The following URI1 variants were observed in gnomAD, a reference collection of about 807,000 sequenced individuals.
URI1 encodes unconventional prefoldin RPB5 interactor 1.
A neutral mutation model predicts 60.2 loss-of-function variants in URI1; 39 were observed. The observed-to-expected ratio is 0.65, with a 90% CI of 0.50 to 0.85. The LOEUF (loss-of-function observed/expected upper bound fraction) is 0.85, where lower values mean the gene tolerates loss of function less well. URI1 is among the 40% of genes least tolerant of loss of function. URI1 has a pLI of 0.00. For synonymous variants in URI1, 251 were observed against 236.8 expected, an observed-to-expected ratio of 1.06 and a Z score of -0.55; for missense variants, 691 against 665.9, an observed-to-expected ratio of 1.04 and a Z score of -0.42.
rs1404072448 is a variant in URI1 at position 30,014,893 on chromosome 19, TC to T, written c.1433del (p.Ser478LeufsTer5). 5 of 1,610,580 alleles carry T rather than the reference TC, an allele frequency of 3.1e-6. No homozygotes were observed. The highest frequency in any genetic ancestry group is 4.2e-6 in the Non-Finnish European group (5 of 1,178,352). Reference protein sequence around the residue: ...LPLSVTPEAFSGTVIEKEFVS... With the variant: ...LPLSVTPEAFXGTVIEKEFVS... ...CCTGACTTTTGTTTTCTAGGCTTTT[TC>T]TGGAACTGTTATAGAAAAAGAATTT... is the stretch of plus-strand genomic sequence containing the variant. On this transcript the variant is annotated frameshift_variant, in exon 11 of 11. Transcript: ENST00000392271. LOFTEE classifies it high-confidence loss of function.
Position 29,977,847 on chromosome 19 carries a change from T to A in URI1, c.152+6620T>A, listed in dbSNP as rs374271649. On this transcript the variant is annotated intron_variant, in intron 2 of 10. Transcript: ENST00000392271. ...ATTCAAGTTGAATGTTTAAAGAATT[T>A]TTTTTAAATCTGAGTTAGGTTTTTA... is the stretch of plus-strand genomic sequence containing the variant. Among the ~76,000 whole-genome samples the A allele has an allele frequency of 2.6e-5, 4 of 152,290 alleles. No homozygotes were observed. The South Asian group carries it at 6.2e-4, about 24-fold the overall frequency.
chr19:30,004,717 A>G (rs1203616675), intron 4 of URI1, among the ~76,000 whole-genome samples: 4 of 152,090 alleles, frequency 2.6e-5, no homozygotes, highest in Admixed American at 6.6e-5. Flanking sequence ...TACTCTGATT[A>G]CAGAAACATG....
At chr19:29,959,220 G>C (rs2055290447) in intron 1 of URI1, among the ~76,000 whole-genome samples, 1 of 152,120 alleles carries the variant, frequency 6.6e-6, no homozygotes, top group African/African-American at 2.4e-5. Flanking sequence ...GAACTCCCAG[G>C]CTCAGGTGAT....
chr19:29,973,868 AT>A (rs1482657013), intron 2 of URI1, among the ~76,000 whole-genome samples: 1 of 152,180 alleles, frequency 6.6e-6, no homozygotes, highest in African/African-American at 2.4e-5. Context: ...TTTAGTGAGG[AT>A]TTAAAAAATG....
chr19:29,989,145 C>T (rs1289317802), intron 4 of URI1, among the ~76,000 whole-genome samples: 1 of 151,720 alleles, frequency 6.6e-6, no homozygotes, highest in Non-Finnish European at 1.5e-5. Flanking sequence ...GAGTCTCACT[C>T]TGTCGCCTAG....
At chr19:29,943,868 T>C (rs2055063721) in intron 1 of URI1, among the ~76,000 whole-genome samples, 1 of 151,906 alleles carries the variant, frequency 6.6e-6, no homozygotes, top group Non-Finnish European at 1.5e-5. Context: ...GGGTGGTGAC[T>C]CAAACCTGTA....
chr19:29,946,070 C>A (rs1396857238), intron 1 of URI1, among the ~76,000 whole-genome samples: 1 of 151,894 alleles, frequency 6.6e-6, no homozygotes, highest in East Asian at 1.9e-4. Context: ...ATTTCCTTCC[C>A]CCCCCCAAAG....
chr19:29,985,048 AG>A (rs1383404322), intron 2 of URI1, among the ~76,000 whole-genome samples, 174 bp from the exon 3 acceptor site: 1 of 136,324 alleles, frequency 7.3e-6, no homozygotes, highest in African/African-American at 2.7e-5. Flanking sequence ...TGAACCCGGG[AG>A]GTGGAGGGTG....
intron 1 of URI1, among the ~76,000 whole-genome samples, chr19:29,931,094 T>C (rs1418247383): frequency 6.6e-6 from 1 of 152,168 alleles, no homozygotes; most frequent in Non-Finnish European, 1.5e-5. Context: ...TTTTCGGTTA[T>C]TTTGGTTATT....
At chr19:29,993,904 T>C (rs977523703) in intron 4 of URI1, among the ~76,000 whole-genome samples, 2 of 152,166 alleles carry the variant, frequency 1.3e-5, no homozygotes, top group African/African-American at 2.4e-5. Context: ...AGGCACACTT[T>C]TATTTTTTTG....
chr19:29,976,727 T>C lies in URI1; in HGVS notation c.152+5500T>C, dbSNP rs139882791. On this transcript the variant is annotated intron_variant, in intron 2 of 10. Transcript: ENST00000392271. The stretch of plus-strand genomic sequence containing the variant: ...TGATGCCTGGCAGTTCATCTTTATG[T>C]TAGGCATTACTTACAATCGTAAATC... 6.9e-4 allele frequency among the ~76,000 whole-genome samples: 105 copies of C among 152,372 alleles called. 3 individuals carry two copies. The East Asian group carries it at 0.017, about 25-fold the overall frequency.
intron 1 of URI1, among the ~76,000 whole-genome samples, chr19:29,961,747 A>G (rs2145294081): frequency 6.7e-6 from 1 of 148,568 alleles, no homozygotes; most frequent in South Asian, 2.1e-4. Flanking sequence ...GTGCAATGGC[A>G]CAATCTCGGC....
chr19:29,930,373 G>A (rs940951605), intron 1 of URI1, among the ~76,000 whole-genome samples: 1 of 152,044 alleles, frequency 6.6e-6, no homozygotes, highest in Admixed American at 6.6e-5. Flanking sequence ...TTGCCCCTAT[G>A]GTTTCTTCTG....
At chr19:29,988,419 G>A (rs1033163841) in intron 4 of URI1, among the ~76,000 whole-genome samples, 10 of 152,224 alleles carry the variant, frequency 6.6e-5, no homozygotes, top group Middle Eastern at 3.4e-3. Flanking sequence ...GTCAGGACAC[G>A]GAATAGGATA....
At chr19:29,946,733 G>C (rs2055107638) in intron 1 of URI1, among the ~76,000 whole-genome samples, 1 of 152,156 alleles carries the variant, frequency 6.6e-6, no homozygotes, top group Admixed American at 6.5e-5. Flanking sequence ...AGAACTGTCA[G>C]CCACGTAGGC....
chr19:30,001,301 G>A lies in URI1; in HGVS notation c.368-4060G>A, dbSNP rs550793345. ...GTATTTTTTGTAGGGATTTAAGGTAGCAAGCTGATTTATTTATTTTTTTTA... is the reference window on the plus strand; with the variant it reads ...GTATTTTTTGTAGGGATTTAAGGTAACAAGCTGATTTATTTATTTTTTTTA... On this transcript the variant is annotated intron_variant, in intron 4 of 10. Coordinates refer to ENST00000392271, the MANE Select transcript of URI1 (RefSeq NM_003796.3). 1.4e-3 allele frequency among the ~76,000 whole-genome samples: 211 copies of A among 151,950 alleles called. 10 individuals carry two copies. In the South Asian group the frequency reaches 0.043, roughly 31 times the overall value.
Position 30,005,423 on chromosome 19 carries a change from T to C in URI1, c.430T>C (p.Phe144Leu). ...GAAAAATTTTGAATCCAGAGTTGAA[T>C]TCACAGAAGATTTGCAGAAAATGAG... ...VMKNFESRVE[F>L]TEDLQKMSDA... The change falls in exon 5 of 11, where the codon TTC becomes CTC. Residue 144 changes from phenylalanine to leucine, a missense_variant. Transcript: ENST00000392271. 6.2e-7 allele frequency: 1 copy of C among 1,602,630 alleles called. No homozygotes were observed. The highest frequency in any genetic ancestry group is 8.5e-7 in the Non-Finnish European group (1 of 1,176,156).
At chr19:29,925,335 A>G (rs888331749) in intron 1 of URI1, among the ~76,000 whole-genome samples, 2 of 152,132 alleles carry the variant, frequency 1.3e-5, no homozygotes, top group Admixed American at 6.5e-5. Flanking sequence ...TGGGTCCGGT[A>G]CTTGGCATGC....
At position 30,015,527 on chromosome 19, in the gene URI1, C is replaced by T; in HGVS notation, c.*458C>T. 2 of 1,534,172 alleles carry T rather than the reference C, an allele frequency of 1.3e-6. No individual in the cohort carries two copies. The highest frequency in any genetic ancestry group is 8.7e-7 in the Non-Finnish European group (1 of 1,146,110). ...AAAGGCACTTTAAAAAAATCTACTT[C>T]TCTTGTAGGTTTTGCGGCTAGTTGG... On this transcript the variant is annotated 3_prime_UTR_variant, in exon 11 of 11. Coordinates refer to ENST00000392271, the MANE Select transcript of URI1 (RefSeq NM_003796.3).
Sources: gnomAD v4.1 joint callset for allele counts (sites outside exome capture counted in the v4.1 genomes callset) on GRCh38, gnomAD v4.1.1 for gene constraint, MANE v1.5 for transcripts, NCBI Gene and HGNC (gene_info 2026-07-23, HGNC 2026-07-21) for gene names.